Variants in GREM2 observed in about 807,000 individuals in gnomAD.
The protein encoded by GREM2 is gremlin-2.
GREM2 carries 11 observed loss-of-function variants against 14.2 expected under a neutral mutation model. That is an observed-to-expected ratio of 0.78 (90% confidence interval 0.49 to 1.28). The LOEUF is 1.28. GREM2 is among the 50% of genes most tolerant of loss of function. The probability of loss-of-function intolerance (pLI) is 0.00; values close to 1 mark genes in which losing one functional copy is unlikely to be tolerated. For synonymous variants in GREM2, 98 were observed against 97.6 expected (o/e 1.00, Z -0.02); for missense variants, 210 against 218.5 (o/e 0.96, Z 0.24).
intron 1 of GREM2, among the ~76,000 whole-genome samples, chr1:240,588,013 C>T: frequency 6.6e-6 from 1 of 152,140 alleles, no homozygotes; most frequent in East Asian, 1.9e-4. Context: ...ACATGGAACC[C>T]ACGGTGCCTG....
intron 1 of GREM2, among the ~76,000 whole-genome samples, chr1:240,562,994 GTGTGTA>G (rs1679093596): frequency 6.8e-6 from 1 of 147,044 alleles, no homozygotes; most frequent in Non-Finnish European, 1.5e-5. Context: ...AAGTGTGTAT[GTGTGTA>G]TATGTGAGTG....
intron 1 of GREM2, among the ~76,000 whole-genome samples, chr1:240,570,667 T>G (rs541350735): frequency 6.6e-6 from 1 of 152,326 alleles, no homozygotes; most frequent in South Asian, 2.1e-4. Flanking sequence ...GTCTTTAAAG[T>G]GAGAAGGGAA....
intron 1 of GREM2, among the ~76,000 whole-genome samples, chr1:240,602,856 G>A (rs536761304): frequency 1.3e-4 from 19 of 151,872 alleles, no homozygotes; most frequent in East Asian, 1.2e-3. Flanking sequence ...GGCGGATCAC[G>A]AGGTCAGGAG....
chr1:240,562,797 G>A (rs1319271192), intron 1 of GREM2, among the ~76,000 whole-genome samples: 2 of 151,358 alleles, frequency 1.3e-5, no homozygotes, highest in African/African-American at 4.9e-5. Flanking sequence ...ATGTGTGTAT[G>A]TGAGTGTGTA....
Position 240,543,678 on chromosome 1 carries a change from A to AC in GREM2, c.-1-50203_-1-50202insG, listed in dbSNP as rs1418804733. Among the ~76,000 whole-genome samples, 1 of 152,230 alleles carries AC rather than the reference A, an allele frequency of 6.6e-6. No individual in the cohort carries two copies. Among genetic ancestry groups the AC allele is most frequent in the African/African-American group, 2.4e-5 (1 of 41,458 alleles). ...GGAACAAAGCATACCTTTTAAAAAAATTGATGTAAACACAAAATATATCAT... is the reference window on the plus strand; with the variant it reads ...GGAACAAAGCATACCTTTTAAAAAAACTTGATGTAAACACAAAATATATCAT... On this transcript the variant is annotated intron_variant, in intron 1 of 1. Coordinates refer to ENST00000318160, the MANE Select transcript of GREM2 (RefSeq NM_022469.4). The surrounding 1 kb of genome is among the most constrained non-coding windows in gnomAD (Gnocchi z 6.4).
chr1:240,519,030 A>G (rs79978271), intron 1 of GREM2, among the ~76,000 whole-genome samples: 7 of 152,352 alleles, frequency 4.6e-5, no homozygotes, highest in Non-Finnish European at 8.8e-5. Flanking sequence ...ACATACATAC[A>G]TATTAGGCTA....
Position 240,509,542 on chromosome 1 carries a change from A to G in GREM2, c.-1-16066T>C, listed in dbSNP as rs374223065. Among the ~76,000 whole-genome samples the G allele has an allele frequency of 4.2e-4, 64 of 151,876 alleles. 2 individuals carry two copies. The South Asian group carries it at 0.013, about 32-fold the overall frequency. On this transcript the variant is annotated intron_variant, in intron 1 of 1. Coordinates refer to ENST00000318160, the MANE Select transcript of GREM2 (RefSeq NM_022469.4). ...CACCAACAAGCCCAGCTAATGTTGT[A>G]TTTTTAGTAGAGACGGGGTTTCTCC...
At position 240,496,082 on chromosome 1, in the gene GREM2, G is replaced by A. The variant is rs191837639; in HGVS notation, c.-1-2606C>T. ...CTCCCAAGTAGCTGAGATTACAGGC[G>A]CGCGCCACCAGGCCCAGCTAATTTT... On this transcript the variant is annotated intron_variant, in intron 1 of 1. Coordinates refer to ENST00000318160, the MANE Select transcript of GREM2 (RefSeq NM_022469.4). Among the ~76,000 whole-genome samples the A allele has an allele frequency of 3.4e-4, 51 of 152,006 alleles. No homozygotes were observed. In the South Asian group the frequency reaches 4.0e-3, roughly 12 times the overall value.
In GREM2 at chr1:240,540,325, G is replaced by T. The variant is rs1243623793; in HGVS notation, c.-1-46849C>A. ...CATTGAAGAGCTCCTTCTCCAAAAGGGGGCATAAAGGAACATCGTGAGTCC... is the reference window on the plus strand; with the variant it reads ...CATTGAAGAGCTCCTTCTCCAAAAGTGGGCATAAAGGAACATCGTGAGTCC... On this transcript the variant is annotated intron_variant, in intron 1 of 1. Transcript: ENST00000318160. The surrounding 1 kb of genome is among the most constrained non-coding windows in gnomAD (Gnocchi z 4.2). 6.6e-6 allele frequency among the ~76,000 whole-genome samples: 1 copy of T among 152,052 alleles called. No homozygotes were observed. The highest frequency in any genetic ancestry group is 1.5e-5 in the Non-Finnish European group (1 of 68,024).
chr1:240,595,416 AT>A (rs1480347505), intron 1 of GREM2, among the ~76,000 whole-genome samples: 1 of 152,060 alleles, frequency 6.6e-6, no homozygotes, highest in Non-Finnish European at 1.5e-5. Context: ...GTTATACTTC[AT>A]CCCCTCCCCA....
chr1:240,569,292 G>T (rs952247408), intron 1 of GREM2, among the ~76,000 whole-genome samples: 3 of 152,108 alleles, frequency 2.0e-5, no homozygotes, highest in African/African-American at 7.2e-5. Flanking sequence ...TGGATCTACT[G>T]ATTTGATTCA....
At chr1:240,559,306 G>A (rs1206662935) in intron 1 of GREM2, among the ~76,000 whole-genome samples, 1 of 148,698 alleles carries the variant, frequency 6.7e-6, no homozygotes, top group Non-Finnish European at 1.5e-5. Context: ...TTAAAAATCG[G>A]TCATTAGTAT....
At chr1:240,507,659 G>A (rs1374771062) in intron 1 of GREM2, among the ~76,000 whole-genome samples, 1 of 151,990 alleles carries the variant, frequency 6.6e-6, no homozygotes, top group Non-Finnish European at 1.5e-5. Flanking sequence ...AAGGAAGTAA[G>A]GAAATCTACA....
chr1:240,569,550 G>A (rs551483269), intron 1 of GREM2, among the ~76,000 whole-genome samples: 3 of 152,052 alleles, frequency 2.0e-5, no homozygotes, highest in Middle Eastern at 3.2e-3. Flanking sequence ...CTACACATAC[G>A]TAGACAACTA....
intron 1 of GREM2, among the ~76,000 whole-genome samples, chr1:240,574,153 CT>C (rs1679312538): frequency 6.6e-6 from 1 of 152,046 alleles, no homozygotes; most frequent in African/African-American, 2.4e-5. Context: ...AATTCCTGAC[CT>C]TGTGATCTGC....
chr1:240,495,929 T>TTTTTTG (rs71170752), intron 1 of GREM2, among the ~76,000 whole-genome samples: 44,917 of 148,540 alleles, frequency 0.3, 8,166 homozygotes, highest in East Asian at 0.44. Context: ...GGCAAAGGTT[T>TTTTTTG]TTTTTGTTTT....
intron 1 of GREM2, among the ~76,000 whole-genome samples, chr1:240,602,101 C>T (rs114988993): frequency 0.02 from 3,090 of 152,156 alleles, 114 homozygotes; most frequent in African/African-American, 0.072. Context: ...TCCTTTAATA[C>T]AGAGAAGTTC....
intron 1 of GREM2, among the ~76,000 whole-genome samples, chr1:240,611,074 T>TA (rs11418917): frequency 0.64 from 91,720 of 144,294 alleles, 28,640 homozygotes; most frequent in East Asian, 0.86. Context: ...CACCTCAAAA[T>TA]AAAAAAAAAA....
intron 1 of GREM2, among the ~76,000 whole-genome samples, chr1:240,508,745 CTTTTA>C (rs966454550): frequency 2.6e-5 from 4 of 152,228 alleles, no homozygotes; most frequent in African/African-American, 4.8e-5. Flanking sequence ...CTTTCTTTTT[CTTTTA>C]TAAGTGGATC....
Sources: allele counts gnomAD v4.1 joint callset (sites outside exome capture counted in the v4.1 genomes callset), GRCh38; gene constraint gnomAD v4.1.1; non-coding constraint Gnocchi (gnomAD v3.1); transcripts MANE v1.5; gene names NCBI Gene and HGNC (gene_info 2026-07-23, HGNC 2026-07-21).